MDFI: variants seen among roughly 807,000 people sequenced by gnomAD.
MDFI encodes the protein inhibitor of MyoD family a.
MDFI carries 16 observed loss-of-function variants against 22.3 expected under a neutral mutation model. The ratio of observed to expected loss-of-function variants is 0.72; its 90% confidence interval spans 0.49 to 1.09. The LOEUF is 1.09. Ranked by LOEUF, MDFI falls within the 50% of genes least tolerant of loss-of-function variation. The probability of loss-of-function intolerance (pLI) is 0.00; values close to 1 mark genes in which losing one functional copy is unlikely to be tolerated. For synonymous variants in MDFI, 145 were observed against 142.7 expected (o/e 1.02, Z -0.12); for missense variants, 314 against 326.1 (o/e 0.96, Z 0.29).
chr6:41,650,016 G>T, intron 4 of MDFI, 173 bp downstream of exon 4: 1 of 628,614 alleles, frequency 1.6e-6, no homozygotes, highest in Non-Finnish European at 2.7e-6. Context: ...AACAAGCCCT[G>T]CAGGGAACCT....
chr6:41,649,368 C>G (rs538294787), intron 3 of MDFI, among the ~76,000 whole-genome samples: 1 of 152,334 alleles, frequency 6.6e-6, no homozygotes, highest in South Asian at 2.1e-4. Flanking sequence ...AGCCCCTGCC[C>G]TTATACATCT....
chr6:41,641,388 T>C (rs568391286), intron 2 of MDFI, among the ~76,000 whole-genome samples: 1 of 152,328 alleles, frequency 6.6e-6, no homozygotes, highest in East Asian at 1.9e-4. Context: ...AAGTTTGAGC[T>C]TGGTCCAGGA....
At chr6:41,650,097 C>G (rs1336296593) in intron 4 of MDFI, 1 of 454,254 alleles carries the variant, frequency 2.2e-6, no homozygotes, top group Non-Finnish European at 3.9e-6. Flanking sequence ...CTTCTCAAGG[C>G]CACCTCCCCA....
Position 41,646,223 on chromosome 6 carries a change from A to C in MDFI, c.174A>C (p.Ala58=). ...APEEGSLEEA[A]TPMPQGNGPG... ...AGGAGGGCTCCCTGGAGGAGGCGGC[A>C]ACCCCCATGCCCCAAGGCAATGGCC... Residue 58 remains alanine, a synonymous_variant, in exon 3 of 5, where the codon GCA becomes GCC. Transcript: ENST00000230321. 1 of 1,594,198 alleles carries C rather than the reference A, an allele frequency of 6.3e-7. No individual in the cohort carries two copies. Among genetic ancestry groups the C allele is most frequent in the Non-Finnish European group, 8.5e-7 (1 of 1,170,554 alleles).
chr6:41,646,578 A>G (rs936099298), intron 3 of MDFI, among the ~76,000 whole-genome samples: 1 of 152,016 alleles, frequency 6.6e-6, no homozygotes, highest in Non-Finnish European at 1.5e-5. Context: ...GGAGAGAGGC[A>G]CCCCCTGCCT....
chr6:41,648,190 A>G (rs1222108142), intron 3 of MDFI, among the ~76,000 whole-genome samples: 1 of 151,890 alleles, frequency 6.6e-6, no homozygotes, highest in Middle Eastern at 3.2e-3. Context: ...CTCTGCCCCC[A>G]TGCTGGCCTC....
At chr6:41,644,731 C>G (rs1296022838) in intron 2 of MDFI, among the ~76,000 whole-genome samples, 2 of 152,062 alleles carry the variant, frequency 1.3e-5, no homozygotes, top group Non-Finnish European at 2.9e-5. Context: ...CTCCCCCACC[C>G]CCACTCTCTC....
rs1322649629 is a variant in MDFI, at chr6:41,638,576, G to C, written c.-88G>C. ...CCGGGAGCCAGCGGGACCTGGGCAGGGGCGCCCGGAGCAGGCGCGCATGGC... is the reference window on the plus strand; with the variant it reads ...CCGGGAGCCAGCGGGACCTGGGCAGCGGCGCCCGGAGCAGGCGCGCATGGC... On this transcript the variant is annotated 5_prime_UTR_variant, in exon 1 of 5. Transcript: ENST00000230321. The surrounding 1 kb of genome is among the most constrained non-coding windows in gnomAD (Gnocchi z 7.6). 3 of 676,976 alleles carry C rather than the reference G, an allele frequency of 4.4e-6. No homozygotes were observed. The African/African-American group carries it at 5.8e-5, about 13-fold the overall frequency. The allele number at this position is 676,976 out of a possible 1,614,324, so 41.9% of individuals were successfully genotyped here.
In MDFI at chr6:41,653,311, C is replaced by A; in HGVS notation, c.485-8C>A. 1 of 1,606,104 alleles carries A rather than the reference C, an allele frequency of 6.2e-7. No individual in the cohort carries two copies. Among genetic ancestry groups the A allele is most frequent in the Non-Finnish European group, 8.5e-7 (1 of 1,174,618 alleles). On this transcript the variant is annotated splice_polypyrimidine_tract_variant and splice_region_variant and intron_variant, in intron 4 of 4. Coordinates refer to ENST00000230321, the MANE Select transcript of MDFI (RefSeq NM_005586.4). This position sits in a 1 kb window ranked among gnomAD's most constrained non-coding sequence, Gnocchi z 4.2. ...TCACCCGTCCCCCTCTCCACCGCCA[C>A]CCCGCAGACTGCTGTGTCCACTGCA...
At chr6:41,642,120 G>A (rs1767873673) in intron 2 of MDFI, among the ~76,000 whole-genome samples, 1 of 152,170 alleles carries the variant, frequency 6.6e-6, no homozygotes, top group South Asian at 2.1e-4. Context: ...GAGAGGAGGA[G>A]TACAGGGCTG....
chr6:41,646,248 C>T lies in MDFI; in HGVS notation c.199C>T (p.Pro67Ser). 6.3e-7 allele frequency: 1 copy of T among 1,577,096 alleles called. No homozygotes were observed. The highest frequency in any genetic ancestry group is 8.6e-7 in the Non-Finnish European group (1 of 1,162,866). ...AACCCCCATGCCCCAAGGCAATGGC[C>T]CTGGCATCCCCCAGGGCCTGGACAG... The part of the protein sequence containing the change: ...AATPMPQGNG[P>S]GIPQGLDSTD... Residue 67 changes from proline to serine, a missense_variant, in exon 3 of 5, where the codon CCT becomes TCT. Pro to Ser is a moderately conservative substitution (Grantham distance 74). Coordinates refer to ENST00000230321, the MANE Select transcript of MDFI (RefSeq NM_005586.4).
At position 41,638,882 on chromosome 6, in the gene MDFI, C is replaced by G; in HGVS notation, c.76+57C>G. 2 of 1,490,260 alleles carry G rather than the reference C, an allele frequency of 1.3e-6. No homozygotes were observed. The highest frequency in any genetic ancestry group is 1.4e-5 in the African/African-American group (1 of 71,162). 92.3% of individuals were successfully genotyped at this position (1,490,260 alleles called of 1,614,324 possible). Reference sequence around the variant, plus strand: ...AGGGGCGGGTGGGCGGCTGAAGGGGCCAGTTATTAGTTCTCCTCTCCGTCC... The same window carrying G: ...AGGGGCGGGTGGGCGGCTGAAGGGGGCAGTTATTAGTTCTCCTCTCCGTCC... On this transcript the variant is annotated intron_variant, in intron 2 of 4. Transcript: ENST00000230321. The surrounding 1 kb of genome is among the most constrained non-coding windows in gnomAD (Gnocchi z 7.6).
At chr6:41,643,421 A>G (rs1282920015) in intron 2 of MDFI, among the ~76,000 whole-genome samples, 1 of 151,906 alleles carries the variant, frequency 6.6e-6, no homozygotes, top group African/African-American at 2.4e-5. Flanking sequence ...CTAACCGAGA[A>G]CTCCGAGGCA....
chr6:41,653,320 C>T lies in MDFI; in HGVS notation c.486C>T (p.Asp162=). The T allele has an allele frequency of 6.2e-7, 1 of 1,609,278 alleles. No homozygotes were observed. Among genetic ancestry groups the T allele is most frequent in the East Asian group, 2.2e-5 (1 of 44,760 alleles). ...CCCCTCTCCACCGCCACCCCGCAGA[C>T]TGCTGTGTCCACTGCATCCTGTCCT... ...TSQIPLQAQE[D]CCVHCILSCL... Residue 162 remains aspartate (D), a splice_region_variant and synonymous_variant, in exon 5 of 5, where the codon GAC becomes GAT. Coordinates refer to ENST00000230321, the MANE Select transcript of MDFI (RefSeq NM_005586.4). This position sits in a 1 kb window ranked among gnomAD's most constrained non-coding sequence, Gnocchi z 4.2.
At chr6:41,643,757 T>G (rs2127429554) in intron 2 of MDFI, among the ~76,000 whole-genome samples, 1 of 152,158 alleles carries the variant, frequency 6.6e-6, no homozygotes. Flanking sequence ...AACCCCCTGA[T>G]GAGCATTTTC....
Position 41,638,727 on chromosome 6 carries a change from T to C in MDFI, c.-11-12T>C, listed in dbSNP as rs777821374. ...GCCTCCGGCGCCGCCCGCTGAGCCCTGTTTTCCGCAGGTCCGGGGCCGATG... is the reference window on the plus strand; with the variant it reads ...GCCTCCGGCGCCGCCCGCTGAGCCCCGTTTTCCGCAGGTCCGGGGCCGATG... On this transcript the variant is annotated splice_polypyrimidine_tract_variant and intron_variant, in intron 1 of 4. Coordinates refer to ENST00000230321, the MANE Select transcript of MDFI (RefSeq NM_005586.4). This position sits in a 1 kb window ranked among gnomAD's most constrained non-coding sequence, Gnocchi z 7.6. 17 of 1,553,972 alleles carry C rather than the reference T, an allele frequency of 1.1e-5. No homozygotes were observed. Among genetic ancestry groups the C allele is most frequent in the Non-Finnish European group, 1.5e-5 (17 of 1,154,460 alleles).
chr6:41,645,133 C>A (rs1312638222), intron 2 of MDFI, among the ~76,000 whole-genome samples: 1 of 152,162 alleles, frequency 6.6e-6, no homozygotes, highest in Non-Finnish European at 1.5e-5. Context: ...GTCCTTCCAA[C>A]TAACTGCATA....
chr6:41,652,125 G>A (rs974824553), intron 4 of MDFI, among the ~76,000 whole-genome samples: 3 of 152,228 alleles, frequency 2.0e-5, no homozygotes, highest in South Asian at 2.1e-4. Context: ...AGAGCCAGCC[G>A]GTTGCGGTAT....
At position 41,646,188 on chromosome 6, in the gene MDFI, G is replaced by A; in HGVS notation, c.139G>A (p.Ala47Thr). ...VVTGSTHPAE[A>T]APEEGSLEEA... ...AACAGGATCCACTCACCCTGCGGAG[G>A]CAGCACCAGAGGAGGGCTCCCTGGA... Residue 47 changes from alanine to threonine, a missense_variant, in exon 3 of 5, where the codon GCA (alanine) becomes ACA (threonine). Coordinates refer to ENST00000230321, the MANE Select transcript of MDFI (RefSeq NM_005586.4). 2 of 1,590,970 alleles carry A rather than the reference G, an allele frequency of 1.3e-6. No homozygotes were observed. Among genetic ancestry groups the A allele is most frequent in the Non-Finnish European group, 1.7e-6 (2 of 1,169,084 alleles).
Sources: allele counts gnomAD v4.1 joint callset (sites outside exome capture counted in the v4.1 genomes callset), GRCh38; gene constraint gnomAD v4.1.1; non-coding constraint Gnocchi (gnomAD v3.1); transcripts MANE v1.5; gene names NCBI Gene and HGNC (gene_info 2026-07-23, HGNC 2026-07-21).